BMPR2: variants seen among roughly 807,000 people sequenced by gnomAD.
BMPR2 encodes bone morphogenetic protein receptor type-2.
BMPR2 carries 29 observed loss-of-function variants against 100.8 expected under a neutral mutation model. That is an observed-to-expected ratio of 0.29 (90% CI 0.21 to 0.39). The LOEUF (loss-of-function observed/expected upper bound fraction) is 0.39, where lower values mean the gene tolerates loss of function less well. BMPR2 is among the 10% of genes least tolerant of loss of function. BMPR2 has a pLI of 1.00. For synonymous variants in BMPR2, 382 were observed against 442.3 expected (o/e 0.86, Z 1.71); for missense variants, 1,011 against 1,274.5 (o/e 0.79, Z 3.15).
chr2:202,414,685 C>T (rs1319887121), intron 1 of BMPR2, among the ~76,000 whole-genome samples: 1 of 152,198 alleles, frequency 6.6e-6, no homozygotes, highest in Non-Finnish European at 1.5e-5. Flanking sequence ...ATTAAACTAA[C>T]TACAACATTC....
intron 2 of BMPR2, 78 bp downstream of exon 2, chr2:202,465,057 T>C: frequency 6.5e-7 from 1 of 1,549,132 alleles, no homozygotes; most frequent in Non-Finnish European, 8.9e-7. Context: ...TGGGAGTATG[T>C]TAAAATCCTG....
At chr2:202,548,712 T>C (rs764205386) in intron 10 of BMPR2, among the ~76,000 whole-genome samples, 1 of 152,182 alleles carries the variant, frequency 6.6e-6, no homozygotes, top group Non-Finnish European at 1.5e-5. Flanking sequence ...CTACTTGTCT[T>C]TCCTCATTAG....
Position 202,552,823 on chromosome 2 carries a change from T to A in BMPR2, c.1521T>A (p.Ile507=). 1 of 1,614,180 alleles carries A rather than the reference T, an allele frequency of 6.2e-7. No individual in the cohort carries two copies. The highest frequency in any genetic ancestry group is 1.6e-4 in the Middle Eastern group (1 of 6,062). Reference sequence around the variant, plus strand: ...AAAGGATGGCTGAACTTATGATGATTTGGGAAAGAAACAAATCTGTGAGCC... The same window carrying A: ...AAAGGATGGCTGAACTTATGATGATATGGGAAAGAAACAAATCTGTGAGCC... ...AEERMAELMM[I]WERNKSVSPT... Residue 507 remains isoleucine, a synonymous_variant, in exon 11 of 13, where the codon ATT becomes ATA. Transcript: ENST00000374580.
intron 2 of BMPR2, 83 bp downstream of exon 2, chr2:202,465,062 A>G (rs773154263): frequency 4.6e-5 from 70 of 1,535,368 alleles, no homozygotes; most frequent in Non-Finnish European, 6.3e-5. Flanking sequence ...GTATGTTAAA[A>G]TCCTGTTCAG....
Position 202,532,559 on chromosome 2 carries a change from T to A in BMPR2, c.1129-26T>A, listed in dbSNP as rs1466193281. On this transcript the variant is annotated intron_variant, in intron 8 of 12. Transcript: ENST00000374580. The surrounding 1 kb of genome is among the most constrained non-coding windows in gnomAD (Gnocchi z 4.1). ...TTCAGAATATGCTACGTTCTCTCTC[T>A]AAAAAATATCACTCTAATTTATCAG... is the stretch of plus-strand genomic sequence containing the variant. 2 of 1,612,068 alleles carry A rather than the reference T, an allele frequency of 1.2e-6. No individual in the cohort carries two copies. Among genetic ancestry groups the A allele is most frequent in the Non-Finnish European group, 1.7e-6 (2 of 1,178,310 alleles).
rs746393341 is a variant in BMPR2 at position 202,542,483 on chromosome 2, T to A, written c.1413+36T>A. The A allele has an allele frequency of 4.4e-6, 7 of 1,607,902 alleles. No individual in the cohort carries two copies. In the African/African-American group the frequency reaches 9.4e-5, roughly 22 times the overall value. On this transcript the variant is annotated intron_variant, in intron 10 of 12. Coordinates refer to ENST00000374580, the MANE Select transcript of BMPR2 (RefSeq NM_001204.7). The stretch of plus-strand genomic sequence containing the variant: ...ACTAAGTTATTAAAGAGAGGACTTA[T>A]GACTGAATATGTTTTAATGTTGTTT...
intron 3 of BMPR2, among the ~76,000 whole-genome samples, chr2:202,494,686 T>C (rs1438401605): frequency 2.0e-5 from 3 of 152,226 alleles, no homozygotes; most frequent in Non-Finnish European, 2.9e-5. Context: ...AATTCAGGTA[T>C]AACATAGATG....
chr2:202,484,439 C>T (rs2105976090), intron 3 of BMPR2, among the ~76,000 whole-genome samples: 1 of 149,320 alleles, frequency 6.7e-6, no homozygotes, highest in Middle Eastern at 3.4e-3. Flanking sequence ...CTTTGGGAGG[C>T]CGAGGCGGGT....
In BMPR2 at chr2:202,567,415, A is replaced by C. The variant is rs1688782192; in HGVS notation, c.*7469A>C. On this transcript the variant is annotated 3_prime_UTR_variant, in exon 13 of 13. Transcript: ENST00000374580. Reference sequence around the variant, plus strand: ...ATAGACTATCATATATGACTTTATGAATAATTTCAGTTATTTTGCTTTTGT... The same window carrying C: ...ATAGACTATCATATATGACTTTATGCATAATTTCAGTTATTTTGCTTTTGT... The C allele has an allele frequency of 6.6e-6, 1 of 152,638 alleles. No homozygotes were observed. Among genetic ancestry groups the C allele is most frequent in the Non-Finnish European group, 1.5e-5 (1 of 68,038 alleles). 9.5% of individuals were successfully genotyped at this position (152,638 alleles called of 1,614,324 possible).
At chr2:202,525,956 C>T (rs1158136545) in intron 7 of BMPR2, among the ~76,000 whole-genome samples, 3 of 150,460 alleles carry the variant, frequency 2.0e-5, no homozygotes, top group Non-Finnish European at 2.9e-5. Context: ...ACCTCCGCCT[C>T]CCGGGTTCAA....
chr2:202,493,056 CTG>C (rs1692941147), intron 3 of BMPR2, among the ~76,000 whole-genome samples: 1 of 152,308 alleles, frequency 6.6e-6, no homozygotes, highest in Admixed American at 6.5e-5. Context: ...GAATTTAGAA[CTG>C]TCATTTTGTA....
intron 3 of BMPR2, among the ~76,000 whole-genome samples, chr2:202,484,867 G>T (rs949722905): frequency 4.7e-5 from 7 of 150,194 alleles, no homozygotes; most frequent in Non-Finnish European, 1.0e-4. Context: ...TACTCGGGAG[G>T]CTGAGGCAGA....
At chr2:202,537,862 C>G (rs1246221876) in intron 9 of BMPR2, among the ~76,000 whole-genome samples, 1 of 151,536 alleles carries the variant, frequency 6.6e-6, no homozygotes, top group Admixed American at 6.6e-5. Context: ...CTCACGCCTG[C>G]AAACCCAGCA....
intron 9 of BMPR2, among the ~76,000 whole-genome samples, chr2:202,541,593 AT>A (rs1318078789): frequency 6.6e-6 from 1 of 152,190 alleles, no homozygotes; most frequent in Non-Finnish European, 1.5e-5. Flanking sequence ...TTCTGTAGGC[AT>A]ATTTGTTGTA....
chr2:202,478,299 C>G (rs1692589908), intron 3 of BMPR2, among the ~76,000 whole-genome samples: 1 of 152,142 alleles, frequency 6.6e-6, no homozygotes, highest in Non-Finnish European at 1.5e-5. Context: ...TTCATTCAGG[C>G]ATGAGTTATA....
At chr2:202,529,669 T>C (rs1687981801) in intron 7 of BMPR2, among the ~76,000 whole-genome samples, 1 of 152,138 alleles carries the variant, frequency 6.6e-6, no homozygotes, top group African/African-American at 2.4e-5. Flanking sequence ...GGTGAAGAAA[T>C]TGGTAACTCC....
chr2:202,559,335 G>A (rs921199629), intron 12 of BMPR2, among the ~76,000 whole-genome samples: 1 of 151,910 alleles, frequency 6.6e-6, no homozygotes, highest in South Asian at 2.1e-4. Flanking sequence ...TCCACCTTGA[G>A]CATTAAATAC....
chr2:202,475,101 A>G (rs1692519237), intron 3 of BMPR2: 1 of 152,130 alleles, frequency 6.6e-6, no homozygotes, highest in African/African-American at 2.4e-5. Context: ...CTTTTTGTTT[A>G]ACATAAATAT....
At chr2:202,543,791 T>G (rs1466998776) in intron 10 of BMPR2, among the ~76,000 whole-genome samples, 1 of 152,190 alleles carries the variant, frequency 6.6e-6, no homozygotes, top group Admixed American at 6.5e-5. Flanking sequence ...GAGAAATTTT[T>G]GGTATTATGA....
Sources: gnomAD v4.1 joint callset for allele counts (sites outside exome capture counted in the v4.1 genomes callset) on GRCh38, gnomAD v4.1.1 for gene constraint, Gnocchi (gnomAD v3.1) non-coding constraint, MANE v1.5 for transcripts, NCBI Gene and HGNC (gene_info 2026-07-23, HGNC 2026-07-21) for gene names.